TRPM3: variants seen among roughly 807,000 people sequenced by gnomAD.
TRPM3 encodes the protein long transient receptor potential channel 3.
Under a neutral mutation model 181.2 loss-of-function variants are expected in TRPM3, and 77 were observed. The ratio of observed to expected loss-of-function variants is 0.42; its 90% CI spans 0.35 to 0.51. The LOEUF (loss-of-function observed/expected upper bound fraction) is 0.51, where lower values mean the gene tolerates loss of function less well. TRPM3 is among the 20% of genes least tolerant of loss of function. The pLI, the probability that TRPM3 is intolerant of heterozygous loss-of-function variation, is 0.01. For missense variants in TRPM3, 1,759 were observed against 2,196.7 expected (o/e 0.80, Z 3.98); for synonymous variants, 745 against 796.4 (o/e 0.94, Z 1.09).
intron 1 of TRPM3, among the ~76,000 whole-genome samples, chr9:71,105,804 T>TACAC (rs976059903): frequency 6.6e-6 from 1 of 152,172 alleles, no homozygotes; most frequent in Admixed American, 6.5e-5. Context: ...AGTACGTGTA[T>TACAC]ACACACACAC....
At chr9:71,424,706 T>C (rs998900814) in intron 1 of TRPM3, among the ~76,000 whole-genome samples, 10 of 152,174 alleles carry the variant, frequency 6.6e-5, no homozygotes, top group Non-Finnish European at 1.5e-4. Flanking sequence ...TCTCTCCCTG[T>C]AGATGGTATC....
At position 71,337,760 on chromosome 9, in the gene TRPM3, G is replaced by T. The variant is rs139732058; in HGVS notation, c.183+108893C>A. 8.8e-3 allele frequency among the ~76,000 whole-genome samples: 1,333 copies of T among 152,164 alleles called. 19 individuals carry two copies. The highest frequency in any genetic ancestry group is 0.031 in the African/African-American group (1,268 of 41,516). On this transcript the variant is annotated intron_variant, in intron 1 of 24. Coordinates refer to the TRPM3 transcript ENST00000357533. ...TGGAATACTATGCAGCCATAAAAAA[G>T]GATGAGTTCATGTCCTTTGCAGGGA...
chr9:70,861,982 G>T (rs144687507), intron 3 of TRPM3, among the ~76,000 whole-genome samples: 4 of 152,030 alleles, frequency 2.6e-5, no homozygotes, highest in African/African-American at 9.7e-5. Flanking sequence ...AGGGAAGGGA[G>T]AGGTAAGAAA....
chr9:71,104,494 G>A (rs774736667), intron 1 of TRPM3, among the ~76,000 whole-genome samples: 2 of 152,138 alleles, frequency 1.3e-5, no homozygotes, highest in South Asian at 2.1e-4. Flanking sequence ...ACAGTGAAAA[G>A]TAATTAATAT....
At chr9:70,856,173 T>C (rs558472293) in intron 3 of TRPM3, among the ~76,000 whole-genome samples, 8 of 152,224 alleles carry the variant, frequency 5.3e-5, no homozygotes, top group Non-Finnish European at 1.2e-4. Context: ...ATAGGATGGT[T>C]TCTTGGATGA....
chr9:71,267,657 T>G (rs561384527), intron 1 of TRPM3, among the ~76,000 whole-genome samples: 3 of 152,354 alleles, frequency 2.0e-5, no homozygotes, highest in African/African-American at 7.2e-5. Flanking sequence ...TTTTGAGTGA[T>G]TATTATACAA....
chr9:70,619,924 A>G (rs1378055182), intron 16 of TRPM3, 152 bp downstream of exon 16: 1 of 719,094 alleles, frequency 1.4e-6, no homozygotes, highest in Non-Finnish European at 2.3e-6. Context: ...ACTGTGCACA[A>G]TAAAGGGGAA....
At chr9:71,442,594 A>G (rs1228986872) in intron 1 of TRPM3, among the ~76,000 whole-genome samples, 1 of 152,228 alleles carries the variant, frequency 6.6e-6, no homozygotes, top group East Asian at 1.9e-4. Context: ...TAAATAAGTA[A>G]AGATAAATGT....
intron 1 of TRPM3, among the ~76,000 whole-genome samples, chr9:71,414,891 A>AT (rs774291403): frequency 1.3e-5 from 2 of 152,170 alleles, no homozygotes; most frequent in South Asian, 2.1e-4. Flanking sequence ...AGCAGGCTTC[A>AT]TTTTTTTAGG....
At chr9:71,319,568 C>G (rs1484494198) in intron 1 of TRPM3, among the ~76,000 whole-genome samples, 2 of 152,052 alleles carry the variant, frequency 1.3e-5, no homozygotes, top group African/African-American at 2.4e-5. Flanking sequence ...ATTCAATATA[C>G]TGATTCAACT....
At chr9:70,606,651 G>GTGTGTGTATATATATATATATA (rs145779027) in intron 19 of TRPM3, among the ~76,000 whole-genome samples, 60 of 140,734 alleles carry the variant, frequency 4.3e-4, no homozygotes, top group Admixed American at 1.5e-3. Context: ...GTGTGTGTGT[G>GTGTGTGTATATATATATATATA]TATATATATA....
chr9:71,283,058 A>G (rs563725494), intron 1 of TRPM3, among the ~76,000 whole-genome samples: 18 of 152,142 alleles, frequency 1.2e-4, no homozygotes, highest in Non-Finnish European at 2.2e-4. Context: ...GTCACATAAA[A>G]TTTACCATCT....
At chr9:71,302,740 G>A (rs1422437522) in intron 1 of TRPM3, among the ~76,000 whole-genome samples, 1 of 149,212 alleles carries the variant, frequency 6.7e-6, no homozygotes, top group Non-Finnish European at 1.5e-5. Flanking sequence ...ACTCAGCATA[G>A]AGATTATTAA....
intron 1 of TRPM3, among the ~76,000 whole-genome samples, chr9:71,336,798 A>G (rs950666286): frequency 3.9e-5 from 6 of 152,156 alleles, no homozygotes; most frequent in African/African-American, 1.4e-4. Flanking sequence ...AAATAACACC[A>G]TACATCTATA....
intron 1 of TRPM3, among the ~76,000 whole-genome samples, chr9:70,999,465 G>T (rs991386161): frequency 6.6e-6 from 1 of 152,184 alleles, no homozygotes; most frequent in Admixed American, 6.5e-5. Flanking sequence ...GTTGGATTCA[G>T]AGGAAGAAAA....
chr9:70,938,200 G>T (rs912442102), intron 1 of TRPM3, among the ~76,000 whole-genome samples: 5 of 152,158 alleles, frequency 3.3e-5, no homozygotes, highest in African/African-American at 1.2e-4. Flanking sequence ...GTTGGATAAA[G>T]TTGCTTCAAA....
At chr9:70,997,884 T>C (rs1590423904) in intron 1 of TRPM3, among the ~76,000 whole-genome samples, 1 of 152,014 alleles carries the variant, frequency 6.6e-6, no homozygotes, top group African/African-American at 2.4e-5. Flanking sequence ...CATAGTAATA[T>C]ACGAAGTTTC....
intron 1 of TRPM3, among the ~76,000 whole-genome samples, chr9:71,073,775 T>C (rs983174803): frequency 7.9e-5 from 12 of 151,850 alleles, no homozygotes; most frequent in African/African-American, 2.9e-4. Context: ...ATTATTTAAT[T>C]AAAAAAAACA....
intron 1 of TRPM3, among the ~76,000 whole-genome samples, chr9:71,273,024 G>A (rs1042309609): frequency 6.6e-6 from 1 of 151,990 alleles, no homozygotes; most frequent in Admixed American, 6.5e-5. Flanking sequence ...ACAGGTTCAT[G>A]CAACTGCACC....
Sources: allele counts gnomAD v4.1 joint callset (sites outside exome capture counted in the v4.1 genomes callset), GRCh38; gene constraint gnomAD v4.1.1; transcripts MANE v1.5; gene names NCBI Gene and HGNC (gene_info 2026-07-23, HGNC 2026-07-21).